The following SMCO4 variants were observed in gnomAD, a reference collection of about 807,000 sequenced individuals.
The protein encoded by SMCO4 is single-pass membrane protein with coiled-coil domains 4.
Under a neutral mutation model 3.6 loss-of-function variants are expected in SMCO4, and 4 were observed. That is an observed-to-expected ratio of 1.11 (90% CI 0.54 to 2.53). SMCO4 has a LOEUF of 2.53. Among genes scored for constraint, SMCO4 ranks in the 30% most tolerant of loss-of-function variants. The pLI, the probability that SMCO4 is intolerant of heterozygous loss-of-function variation, is 0.02. For missense variants in SMCO4, 70 were observed against 80.8 expected (o/e 0.87, Z 0.51); for synonymous variants, 36 against 35.3 (o/e 1.02, Z -0.07).
intron 2 of SMCO4, among the ~76,000 whole-genome samples, chr11:93,489,522 C>T (rs563760929): frequency 6.6e-6 from 1 of 152,204 alleles, no homozygotes; most frequent in African/African-American, 2.4e-5. Context: ...CAGTTGGAGG[C>T]CACACAGCTT....
upstream of SMCO4, among the ~76,000 whole-genome samples, chr11:93,547,566 A>G (rs1949323265): frequency 6.6e-6 from 1 of 152,178 alleles, no homozygotes; most frequent in South Asian, 2.1e-4. Context: ...TTCTCCCTCC[A>G]CGAGAAAAGG....
chr11:93,510,258 A>C (rs1948945362), intron 1 of SMCO4, among the ~76,000 whole-genome samples: 1 of 152,226 alleles, frequency 6.6e-6, no homozygotes. Context: ...TTGTCACTGC[A>C]CTAGCCTAGG....
At chr11:93,481,554 A>T in intron 2 of SMCO4, 1 of 978,972 alleles carries the variant, frequency 1.0e-6, no homozygotes, top group Non-Finnish European at 1.2e-6. Flanking sequence ...CGGCCCTGTG[A>T]GTCAGACAGA....
chr11:93,523,531 T>C lies in SMCO4; in HGVS notation c.-154+19745A>G, dbSNP rs11020400. ...AAAATTAGCTGGACATGGTGGCACA[T>C]GCCTGTAGTCCCAGCTATTCCGGAG... On this transcript the variant is annotated intron_variant, in intron 1 of 2. Coordinates refer to ENST00000298966, the MANE Select transcript of SMCO4 (RefSeq NM_020179.3). Among the ~76,000 whole-genome samples the C allele has an allele frequency of 3.6e-3, 546 of 152,236 alleles. 17 individuals carry two copies. The East Asian group carries it at 0.075, about 21-fold the overall frequency.
chr11:93,485,455 CA>C (rs1565372677), intron 2 of SMCO4, among the ~76,000 whole-genome samples: 1 of 152,244 alleles, frequency 6.6e-6, no homozygotes, highest in African/African-American at 2.4e-5. Context: ...TGCAGTCTCT[CA>C]TCTTTGGACA....
chr11:93,547,837 C>G (rs560458341), upstream of SMCO4, among the ~76,000 whole-genome samples: 1 of 152,278 alleles, frequency 6.6e-6, no homozygotes, highest in Non-Finnish European at 1.5e-5. Context: ...GTGGGGAGGA[C>G]AAAGACTCGT....
At chr11:93,550,738 A>G in the SMCO4 span, among the ~76,000 whole-genome samples, 1 of 152,148 alleles carries the variant, frequency 6.6e-6, no homozygotes, top group South Asian at 2.1e-4. Context: ...AAAAACAAAA[A>G]TGGAACTGTT....
intron 1 of SMCO4, among the ~76,000 whole-genome samples, chr11:93,533,094 G>A (rs1565389407): frequency 6.6e-6 from 1 of 152,192 alleles, no homozygotes; most frequent in Admixed American, 6.5e-5. Flanking sequence ...AGACACGAGA[G>A]CCAGGGAAAG....
chr11:93,529,423 C>G (rs1040561679), intron 1 of SMCO4, among the ~76,000 whole-genome samples: 6 of 152,144 alleles, frequency 3.9e-5, no homozygotes, highest in Admixed American at 3.9e-4. Flanking sequence ...TCCACTTACA[C>G]ATAATTATCT....
At chr11:93,541,231 G>A (rs1394806397) in intron 1 of SMCO4, among the ~76,000 whole-genome samples, 2 of 152,222 alleles carry the variant, frequency 1.3e-5, no homozygotes, top group Non-Finnish European at 2.9e-5. Context: ...GGAAGCTCTA[G>A]TGAGAAGTTG....
chr11:93,509,392 A>G (rs537294686), intron 1 of SMCO4, among the ~76,000 whole-genome samples: 9 of 152,316 alleles, frequency 5.9e-5, no homozygotes, highest in Admixed American at 2.6e-4. Flanking sequence ...TACAACCACT[A>G]TGGAAAACAG....
At chr11:93,521,000 T>C (rs548428996) in intron 1 of SMCO4, among the ~76,000 whole-genome samples, 6 of 152,358 alleles carry the variant, frequency 3.9e-5, no homozygotes, top group Admixed American at 6.5e-5. Context: ...AGCCTATACA[T>C]TGCTATATTC....
rs541634103 is a variant in SMCO4 at position 93,535,659 on chromosome 11, A to G, written c.-154+7617T>C. ...GTCTGTTAAGAGCTACCGATGGGAA[A>G]AAGAAGATCAGCACAGTGGTGAGCT... On this transcript the variant is annotated intron_variant, in intron 1 of 2. Transcript: ENST00000298966. The G allele has an allele frequency of 7.5e-6, 12 of 1,608,186 alleles. No homozygotes were observed. The African/African-American group carries it at 9.3e-5, about 13-fold the overall frequency.
At chr11:93,518,407 G>A (rs1040435984) in intron 1 of SMCO4, among the ~76,000 whole-genome samples, 16 of 152,176 alleles carry the variant, frequency 1.1e-4, no homozygotes, top group Admixed American at 9.2e-4. Context: ...CGCTAATAGT[G>A]CTGCCATGAA....
chr11:93,542,531 G>C (rs1949279332), intron 1 of SMCO4, among the ~76,000 whole-genome samples: 1 of 152,184 alleles, frequency 6.6e-6, no homozygotes, highest in Admixed American at 6.5e-5. Flanking sequence ...AGTCTGAGGT[G>C]AATCTGGCCG....
intron 1 of SMCO4, among the ~76,000 whole-genome samples, chr11:93,540,975 G>A (rs1334281786): frequency 6.6e-6 from 1 of 152,154 alleles, no homozygotes. Context: ...ACCACTAACT[G>A]CAGCTTCCAA....
intron 2 of SMCO4, among the ~76,000 whole-genome samples, chr11:93,486,528 C>T (rs1948652521): frequency 6.6e-6 from 1 of 152,236 alleles, no homozygotes; most frequent in Admixed American, 6.5e-5. Flanking sequence ...GGTGCCGCTA[C>T]ACGCTGGCTG....
At chr11:93,503,151 G>C (rs531258522) in intron 1 of SMCO4, among the ~76,000 whole-genome samples, 10 of 152,196 alleles carry the variant, frequency 6.6e-5, no homozygotes, top group African/African-American at 2.4e-4. Flanking sequence ...TCACGCTGCT[G>C]ATAAAGACAT....
intron 1 of SMCO4, among the ~76,000 whole-genome samples, chr11:93,505,592 C>A (rs186856385): frequency 2.2e-4 from 34 of 152,312 alleles, no homozygotes; most frequent in African/African-American, 7.7e-4. Flanking sequence ...AAAGAAGTTT[C>A]ACAAGTTATT....
Sources: allele counts gnomAD v4.1 joint callset (sites outside exome capture counted in the v4.1 genomes callset), GRCh38; gene constraint gnomAD v4.1.1; transcripts MANE v1.5; gene names NCBI Gene and HGNC (gene_info 2026-07-23, HGNC 2026-07-21).